The following DGKI variants were observed in gnomAD, a reference collection of about 807,000 sequenced individuals.
DGKI encodes the protein DAG kinase iota.
In DGKI, 55 loss-of-function variants were observed where a neutral mutation model predicts 147.5. The observed-to-expected ratio is 0.37, with a 90% confidence interval of 0.30 to 0.47. The LOEUF is 0.47. Ranked by LOEUF, DGKI falls within the 20% of genes least tolerant of loss-of-function variation. The probability of loss-of-function intolerance (pLI) is 1.00; values close to 1 mark genes in which losing one functional copy is unlikely to be tolerated. For synonymous variants in DGKI, 469 were observed against 477.1 expected, an observed-to-expected ratio of 0.98 and a Z score of 0.22; for missense variants, 1,007 against 1,323.8, an observed-to-expected ratio of 0.76 and a Z score of 3.71.
intron 28 of DGKI, among the ~76,000 whole-genome samples, chr7:137,434,981 A>C (rs1813227499): frequency 6.6e-6 from 1 of 152,188 alleles, no homozygotes; most frequent in South Asian, 2.1e-4. Context: ...ACTACCACAA[A>C]AGGCCATCTT....
chr7:137,682,108 C>A lies in DGKI; in HGVS notation c.511-3456G>T, dbSNP rs1334120962. Reference sequence around the variant, plus strand: ...GAGTATTAACAGCTTTCAGGGAGTTCTATGAGTGTTTCTAGTGAGTTACTG... The same window carrying A: ...GAGTATTAACAGCTTTCAGGGAGTTATATGAGTGTTTCTAGTGAGTTACTG... On this transcript the variant is annotated intron_variant, in intron 2 of 32. Coordinates refer to ENST00000614521, the MANE Select transcript of DGKI (RefSeq NM_001321708.2). Among the ~76,000 whole-genome samples the A allele has an allele frequency of 2.0e-5, 3 of 151,954 alleles. No homozygotes were observed. The East Asian group carries it at 5.8e-4, about 29-fold the overall frequency.
intron 21 of DGKI, among the ~76,000 whole-genome samples, chr7:137,513,347 T>C (rs1816641818): frequency 1.3e-5 from 2 of 152,136 alleles, no homozygotes; most frequent in African/African-American, 4.8e-5. Flanking sequence ...GCTCCTGCAT[T>C]TGGCCCTCTT....
intron 12 of DGKI, among the ~76,000 whole-genome samples, chr7:137,588,048 T>C (rs1351733114): frequency 2.0e-5 from 3 of 152,212 alleles, no homozygotes; most frequent in Non-Finnish European, 4.4e-5. Context: ...GGCCTAAGAA[T>C]TGTGTAACTG....
intron 28 of DGKI, among the ~76,000 whole-genome samples, chr7:137,436,026 C>G (rs1226432080): frequency 6.6e-6 from 1 of 152,150 alleles, no homozygotes; most frequent in African/African-American, 2.4e-5. Flanking sequence ...GTGATCGCCT[C>G]GGCCTCCCAA....
chr7:137,638,704 G>A (rs926629101), intron 6 of DGKI, among the ~76,000 whole-genome samples: 8 of 141,596 alleles, frequency 5.6e-5, no homozygotes, highest in Non-Finnish European at 1.2e-4. Flanking sequence ...ACATATGTAC[G>A]CACATAGATA....
intron 23 of DGKI, among the ~76,000 whole-genome samples, chr7:137,480,810 C>T (rs1408611057): frequency 6.6e-6 from 1 of 152,074 alleles, no homozygotes; most frequent in Non-Finnish European, 1.5e-5. Flanking sequence ...AGTTATAATT[C>T]CTACCATTTA....
intron 1 of DGKI, among the ~76,000 whole-genome samples, chr7:137,738,735 C>T (rs201529266): frequency 4.3e-5 from 5 of 115,776 alleles, no homozygotes; most frequent in Admixed American, 9.1e-5. Flanking sequence ...CCCCCCCCCC[C>T]TTTCCTTTTC....
chr7:137,825,019 TA>T (rs1407840516), intron 1 of DGKI, among the ~76,000 whole-genome samples: 1 of 152,176 alleles, frequency 6.6e-6, no homozygotes, highest in Non-Finnish European at 1.5e-5. Flanking sequence ...TCAGTGAACA[TA>T]TGTATGCATG....
intron 8 of DGKI, among the ~76,000 whole-genome samples, chr7:137,610,999 A>T (rs970728617): frequency 2.0e-5 from 3 of 152,086 alleles, no homozygotes; most frequent in Non-Finnish European, 4.4e-5. Context: ...GGTGCTCTAG[A>T]CCCCAGGTCA....
chr7:137,718,120 C>T lies in DGKI; in HGVS notation c.402-28118G>A, dbSNP rs140424391. ...CAAGAGGATTAAAACAAAAACCAGC[C>T]GGGTGGGCTGGATGGCTTGTGAGCC... is the stretch of plus-strand genomic sequence containing the variant. On this transcript the variant is annotated intron_variant, in intron 1 of 32. Coordinates refer to ENST00000614521, the MANE Select transcript of DGKI (RefSeq NM_001321708.2). Among the ~76,000 whole-genome samples the T allele has an allele frequency of 1.8e-3, 281 of 152,192 alleles. 3 individuals carry two copies. The highest frequency in any genetic ancestry group is 6.2e-3 in the African/African-American group (256 of 41,502).
chr7:137,447,387 G>A (rs1418218623), intron 27 of DGKI, among the ~76,000 whole-genome samples: 2 of 152,118 alleles, frequency 1.3e-5, no homozygotes, highest in Non-Finnish European at 2.9e-5. Context: ...AATATATAAT[G>A]ATCAAAATAT....
At chr7:137,539,122 A>AGCCTTCT (rs1453133098) in intron 20 of DGKI, among the ~76,000 whole-genome samples, 1 of 152,150 alleles carries the variant, frequency 6.6e-6, no homozygotes, top group African/African-American at 2.4e-5. Context: ...GCAATGACAA[A>AGCCTTCT]GCCTTCTGGC....
intron 6 of DGKI, among the ~76,000 whole-genome samples, chr7:137,625,726 T>C (rs1260546350): frequency 6.7e-6 from 1 of 148,372 alleles, no homozygotes; most frequent in Admixed American, 6.6e-5. Flanking sequence ...AGTAAGACCT[T>C]ATCTCTATAT....
intron 6 of DGKI, among the ~76,000 whole-genome samples, chr7:137,626,002 C>T (rs1457463529): frequency 1.3e-5 from 2 of 152,144 alleles, no homozygotes; most frequent in Admixed American, 6.5e-5. Context: ...ACATGTGTTT[C>T]ACAGTACTTT....
At chr7:137,441,156 C>T (rs1813484894) in intron 28 of DGKI, among the ~76,000 whole-genome samples, 1 of 152,002 alleles carries the variant, frequency 6.6e-6, no homozygotes, top group Admixed American at 6.5e-5. Context: ...CACGGTGGCT[C>T]ATGCCTGTAA....
intron 1 of DGKI, among the ~76,000 whole-genome samples, chr7:137,778,749 G>A (rs767506236): frequency 1.2e-4 from 18 of 152,132 alleles, no homozygotes; most frequent in Non-Finnish European, 2.5e-4. Context: ...CACATAGCTG[G>A]GGTTGCAGAA....
At chr7:137,619,030 A>T (rs1223461751) in intron 8 of DGKI, among the ~76,000 whole-genome samples, 1 of 152,202 alleles carries the variant, frequency 6.6e-6, no homozygotes, top group African/African-American at 2.4e-5. Flanking sequence ...TAGGACCACC[A>T]TATCATTTAA....
intron 19 of DGKI, among the ~76,000 whole-genome samples, chr7:137,559,923 T>C (rs1818360984): frequency 6.6e-6 from 1 of 152,346 alleles, no homozygotes; most frequent in Non-Finnish European, 1.5e-5. Flanking sequence ...AAAATAGATT[T>C]GTATAATTCT....
At chr7:137,605,136 C>T (rs1240212700) in intron 10 of DGKI, among the ~76,000 whole-genome samples, 5 of 151,742 alleles carry the variant, frequency 3.3e-5, no homozygotes, top group Non-Finnish European at 5.9e-5. Context: ...AGTGAAACCC[C>T]GTCTCTACTA....
Sources: allele counts gnomAD v4.1 joint callset (sites outside exome capture counted in the v4.1 genomes callset), GRCh38; gene constraint gnomAD v4.1.1; transcripts MANE v1.5; gene names NCBI Gene and HGNC (gene_info 2026-07-23, HGNC 2026-07-21).